Variants in NEB observed in about 807,000 individuals in gnomAD.
NEB encodes nebulin, also known as nemaline myopathy type 2.
In NEB, 512 loss-of-function variants were observed where a neutral mutation model predicts 952.2. The ratio of observed to expected loss-of-function variants is 0.54; its 90% confidence interval spans 0.50 to 0.58. The LOEUF is 0.58. Ranked by LOEUF, NEB falls within the 20% of genes least tolerant of loss-of-function variation. The pLI, the probability that NEB is intolerant of heterozygous loss-of-function variation, is 0.00. For synonymous variants in NEB, 2,900 were observed against 3,149.8 expected, an observed-to-expected ratio of 0.92 and a Z score of 2.66; for missense variants, 8,428 against 9,231.1, an observed-to-expected ratio of 0.91 and a Z score of 3.56.
At chr2:151,594,466 A>C (rs2097355218) in intron 92 of NEB, 148 bp from the exon 93 acceptor site, 1 of 1,286,792 alleles carries the variant, frequency 7.8e-7, no homozygotes, top group Non-Finnish European at 1.1e-6. Context: ...AGTTCACTTT[A>C]AAGGAATTAG....
rs886038449 is a variant in NEB at position 151,513,636 on chromosome 2, C to T, written c.23185G>A (p.Ala7729Thr). The change falls in exon 160 of 182, where the codon GCC becomes ACC. Residue 7729 changes from alanine to threonine, a missense_variant. Transcript: ENST00000397345. Reference sequence around the variant, plus strand: ...CTCATAAAATCCGGAGTTTCATTGGCCATGGCATTCAGGCCTCTTCCTTTG... The same window carrying T: ...CTCATAAAATCCGGAGTTTCATTGGTCATGGCATTCAGGCCTCTTCCTTTG... The part of the protein sequence containing the change: ...EVKGRGLNAM[A>T]NETPDFMRAR... 47 of 1,610,306 alleles carry T rather than the reference C, an allele frequency of 2.9e-5. No individual in the cohort carries two copies. The highest frequency in any genetic ancestry group is 3.9e-5 in the Non-Finnish European group (46 of 1,178,446).
Position 151,502,852 on chromosome 2 carries a change from G to T in NEB, c.23869C>A (p.Pro7957Thr). Residue 7957 changes from proline (P) to threonine (T), a missense_variant, in exon 167 of 182, where the codon CCA (proline) becomes ACA (threonine). Transcript: ENST00000397345. ...TCCATCTCTGGAGTGATAGGTGTTGGGATTCCTTTCCCCAAATTTTCTTTG... is the reference window on the plus strand; with the variant it reads ...TCCATCTCTGGAGTGATAGGTGTTGTGATTCCTTTCCCCAAATTTTCTTTG... ...LYKENLGKGI[P>T]TPITPEMERV... The T allele has an allele frequency of 6.2e-7, 1 of 1,606,112 alleles. No individual in the cohort carries two copies. Among genetic ancestry groups the T allele is most frequent in the South Asian group, 1.1e-5 (1 of 88,786 alleles).
intron 161 of NEB, 127 bp downstream of exon 161, chr2:151,512,606 A>T (rs763692093): frequency 3.9e-5 from 30 of 764,372 alleles, no homozygotes; most frequent in Non-Finnish European, 6.3e-5. Flanking sequence ...GAGCCACTGC[A>T]CCTGGTGAAT....
Position 151,497,759 on chromosome 2 carries a change from A to G in NEB, c.24208-41T>C, listed in dbSNP as rs767236625. 3.9e-6 allele frequency: 6 copies of G among 1,552,346 alleles called. No homozygotes were observed. In the Middle Eastern group the frequency reaches 5.0e-4, roughly 130 times the overall value. Reference sequence around the variant, plus strand: ...GCATCCAGAAAAACAACCATGAGTAACATTTCATTTCTTGGGACTTTTTAA... The same window carrying G: ...GCATCCAGAAAAACAACCATGAGTAGCATTTCATTTCTTGGGACTTTTTAA... On this transcript the variant is annotated intron_variant, in intron 170 of 181. Coordinates refer to ENST00000397345, the MANE Select transcript of NEB (RefSeq NM_001164508.2).
Position 151,656,021 on chromosome 2 carries a change from A to G in NEB, c.6498T>C (p.Asn2166=), listed in dbSNP as rs1484392213. ...TRNMNRIQSD[N]EYKQDYNEWY... ...ATTCATTGTAATCTTGCTTATATTC[A>G]TTCTATAAAGAAGATAAGCAAATTC... Residue 2166 remains asparagine, a splice_region_variant and synonymous_variant, in exon 50 of 182, where the codon AAT becomes AAC. Coordinates refer to ENST00000397345, the MANE Select transcript of NEB (RefSeq NM_001164508.2). The G allele has an allele frequency of 1.9e-6, 3 of 1,612,472 alleles. No individual in the cohort carries two copies. Among genetic ancestry groups the G allele is most frequent in the Non-Finnish European group, 2.5e-6 (3 of 1,178,846 alleles).
intron 52 of NEB, among the ~76,000 whole-genome samples, chr2:151,652,041 C>T (rs1318790933): frequency 1.3e-5 from 2 of 152,032 alleles, no homozygotes; most frequent in South Asian, 4.2e-4. Context: ...CAAAGGAGGG[C>T]AAATATGAAA....
In NEB at chr2:151,604,180, G is replaced by T. The variant is rs1465729030; in HGVS notation, c.13059+380C>A. 7.8e-4 allele frequency among the ~76,000 whole-genome samples: 93 copies of T among 118,822 alleles called. 7 individuals are homozygous for T. The highest frequency in any genetic ancestry group is 3.8e-3 in the South Asian group (13 of 3,408). The allele number at this position is 118,822 out of a possible 152,430, so 78.0% of individuals were successfully genotyped here. On this transcript the variant is annotated intron_variant, in intron 85 of 181. Transcript: ENST00000397345. ...TGAGAAAAAAATACATACCTGTATC[G>T]ATATCCACCCTGCCCCCCATCTCTC...
intron 109 of NEB, 122 bp downstream of exon 109, chr2:151,569,959 T>G: frequency 1.0e-6 from 1 of 989,842 alleles, no homozygotes; most frequent in Non-Finnish European, 1.5e-6. Flanking sequence ...AAGGTCTCAC[T>G]AATATTAAAT....
At chr2:151,546,557 C>CT (rs11436330) in intron 133 of NEB, 114 bp from the exon 134 acceptor site, 139,212 of 350,734 alleles carry the variant, frequency 0.4, 19,219 homozygotes, top group Admixed American at 0.53. Flanking sequence ...GGTTCATCTA[C>CT]TTTTTTTTTT....
In NEB at chr2:151,537,927, A is replaced by T. The variant is rs1274967452; in HGVS notation, c.21047T>A (p.Ile7016Asn). 4 of 1,613,554 alleles carry T rather than the reference A, an allele frequency of 2.5e-6. No homozygotes were observed. The highest frequency in any genetic ancestry group is 3.4e-6 in the Non-Finnish European group (4 of 1,179,618). Reference protein sequence around the residue: ...YMSQLGIWRSIPDRPEHFHHR... With the variant: ...YMSQLGIWRSNPDRPEHFHHR... ...GTGGAAATGCTCTGGACGATCAGGA[A>T]TGGACCTCCAGATACCCAACTGGCT... The change falls in exon 140 of 182, where the codon ATT (isoleucine) becomes AAT (asparagine). Residue 7016 changes from isoleucine (I) to asparagine (N), a missense_variant. By Grantham distance (149) the Ile-to-Asn change is moderately radical. This residue lies in a region of NEB where 3,374 missense variants were observed against 3,651.5 expected (regional missense o/e 0.92). Transcript: ENST00000397345.
intron 3 of NEB, among the ~76,000 whole-genome samples, chr2:151,732,727 TAG>T (rs1408264518): frequency 6.6e-6 from 1 of 152,086 alleles, no homozygotes; most frequent in Non-Finnish European, 1.5e-5. Context: ...GAATAAGGAG[TAG>T]ATCTTTTCTT....
intron 129 of NEB, among the ~76,000 whole-genome samples, chr2:151,551,063 G>A (rs1014222998): frequency 4.6e-5 from 7 of 151,746 alleles, no homozygotes; most frequent in Non-Finnish European, 8.8e-5. Flanking sequence ...CGCCCCCTGG[G>A]TTCAAAAGAT....
intron 46 of NEB, among the ~76,000 whole-genome samples, chr2:151,659,416 T>C (rs1448276378): frequency 2.6e-5 from 4 of 152,072 alleles, no homozygotes; most frequent in Non-Finnish European, 4.4e-5. Flanking sequence ...TCCTCCCACC[T>C]CAGCCTCCTG....
chr2:151,498,302 A>C lies in NEB; in HGVS notation c.24165T>G (p.Pro8055=). 3.2e-6 allele frequency: 5 copies of C among 1,551,468 alleles called. No homozygotes were observed. Among genetic ancestry groups the C allele is most frequent in the South Asian group, 2.4e-5 (2 of 84,042 alleles). ...LGTGIPIPIT[P]EMQRVKHNQE... is the part of the protein sequence containing the mutation. ...GATTGTGTTTGACTCTCTGCATCTC[A>C]GGAGTGATGGGGATTGGAATTCCTG... Residue 8055 remains proline (P), a synonymous_variant, in exon 170 of 182, where the codon CCT becomes CCG. Coordinates refer to ENST00000397345, the MANE Select transcript of NEB (RefSeq NM_001164508.2).
At chr2:151,551,230 A>G (rs2095315537) in intron 129 of NEB, among the ~76,000 whole-genome samples, 1 of 152,048 alleles carries the variant, frequency 6.6e-6, no homozygotes, top group South Asian at 2.1e-4. Flanking sequence ...CAGCCTCCCA[A>G]ATTGCTGGGA....
intron 50 of NEB, 26 bp from the exon 51 acceptor site, chr2:151,655,400 A>G (rs749608225): frequency 6.3e-5 from 84 of 1,332,896 alleles, no homozygotes; most frequent in Non-Finnish European, 8.6e-5. Flanking sequence ...AAAAGACATG[A>G]AATTTGAATA....
intron 3 of NEB, among the ~76,000 whole-genome samples, chr2:151,731,534 T>C (rs1327901624): frequency 2.6e-5 from 4 of 152,200 alleles, no homozygotes; most frequent in Admixed American, 2.0e-4. Context: ...ATGATCTTTT[T>C]TGAGGTCAAA....
intron 39 of NEB, among the ~76,000 whole-genome samples, chr2:151,668,561 T>A (rs2099248235): frequency 6.6e-6 from 1 of 152,146 alleles, no homozygotes; most frequent in African/African-American, 2.4e-5. Context: ...AGGAAACAAT[T>A]CATAATAGTG....
intron 153 of NEB, among the ~76,000 whole-genome samples, chr2:151,524,065 A>G (rs2083810247): frequency 1.3e-5 from 2 of 152,190 alleles, no homozygotes; most frequent in Non-Finnish European, 2.9e-5. Context: ...TCACATAAAG[A>G]TAGTTAAGCA....
Sources: allele counts gnomAD v4.1 joint callset (sites outside exome capture counted in the v4.1 genomes callset), GRCh38; gene constraint gnomAD v4.1.1; regional missense constraint gnomAD v4.1.1; transcripts MANE v1.5; gene names NCBI Gene and HGNC (gene_info 2026-07-23, HGNC 2026-07-21).